UVRAG: variants seen among roughly 807,000 people sequenced by gnomAD.
The protein encoded by UVRAG is UV radiation resistance-associated gene protein.
In UVRAG, 19 loss-of-function variants were observed where a neutral mutation model predicts 78.0. The ratio of observed to expected loss-of-function variants is 0.24; its 90% CI spans 0.17 to 0.36. The LOEUF (loss-of-function observed/expected upper bound fraction) is 0.36. Ranked by LOEUF, UVRAG falls within the 10% of genes least tolerant of loss-of-function variation. The probability of loss-of-function intolerance (pLI) is 1.00; values close to 1 mark genes in which losing one functional copy is unlikely to be tolerated. For synonymous variants in UVRAG, 323 were observed against 324.6 expected, an observed-to-expected ratio of 1.00 and a Z score of 0.05; for missense variants, 740 against 853.8, an observed-to-expected ratio of 0.87 and a Z score of 1.66.
Position 75,975,901 on chromosome 11 carries a change from G to A in UVRAG, c.700-7486G>A, listed in dbSNP as rs570805523. Among the ~76,000 whole-genome samples the A allele has an allele frequency of 1.8e-3, 279 of 152,242 alleles. 2 individuals carry two copies. Among genetic ancestry groups the A allele is most frequent in the African/African-American group, 6.1e-3 (254 of 41,538 alleles). On this transcript the variant is annotated intron_variant, in intron 7 of 14. Coordinates refer to ENST00000356136, the MANE Select transcript of UVRAG (RefSeq NM_003369.4). ...TGCCCTGGCCAGAACTTCCAACACT[G>A]TGTTGAATAGGAGTGGTGAAAGAGG...
intron 13 of UVRAG, among the ~76,000 whole-genome samples, chr11:76,096,823 G>T (rs934577983): frequency 6.6e-6 from 1 of 152,070 alleles, no homozygotes; most frequent in African/African-American, 2.4e-5. Context: ...ACCTTAACCC[G>T]GGATTTGGAA....
intron 13 of UVRAG, 88 bp from the exon 14 acceptor site, chr11:76,115,835 GT>G (rs1404587136): frequency 6.8e-6 from 8 of 1,171,140 alleles, no homozygotes; most frequent in Non-Finnish European, 9.9e-6. Context: ...CTCTTTTAGA[GT>G]TCAAAAAAAT....
chr11:75,984,681 C>T (rs755474526), intron 8 of UVRAG, among the ~76,000 whole-genome samples: 4 of 152,172 alleles, frequency 2.6e-5, no homozygotes, highest in Non-Finnish European at 5.9e-5. Context: ...CCAGACTAGC[C>T]ACTGCCAAGA....
chr11:76,023,002 AC>A (rs1283007300), intron 12 of UVRAG, among the ~76,000 whole-genome samples: 1 of 152,146 alleles, frequency 6.6e-6, no homozygotes, highest in Non-Finnish European at 1.5e-5. Flanking sequence ...TTGAACTGAT[AC>A]CAGTTAGCTT....
chr11:75,847,279 C>T (rs925790743), intron 1 of UVRAG, among the ~76,000 whole-genome samples: 1 of 151,816 alleles, frequency 6.6e-6, no homozygotes, highest in African/African-American at 2.4e-5. Context: ...AGGTGTGTGC[C>T]ACCACGCCTG....
At chr11:76,099,456 T>G (rs982613225) in intron 13 of UVRAG, among the ~76,000 whole-genome samples, 5 of 152,162 alleles carry the variant, frequency 3.3e-5, no homozygotes, top group Non-Finnish European at 2.9e-5. Context: ...AGAAAATGCT[T>G]TATTTACTAA....
chr11:75,886,537 G>A (rs547734316), intron 4 of UVRAG, among the ~76,000 whole-genome samples: 1 of 152,176 alleles, frequency 6.6e-6, no homozygotes, highest in African/African-American at 2.4e-5. Flanking sequence ...CTTTCATAAT[G>A]TTTTCTCTTT....
intron 13 of UVRAG, among the ~76,000 whole-genome samples, chr11:76,101,641 T>G (rs981609072): frequency 2.0e-5 from 3 of 152,200 alleles, no homozygotes; most frequent in African/African-American, 7.2e-5. Flanking sequence ...GTCTTCGTCA[T>G]GAAACCTTTG....
In UVRAG at chr11:75,966,837, C is replaced by T. The variant is rs538814748; in HGVS notation, c.699+5288C>T. ...CTCAGATTACAGTGTAGTTCTTTTA[C>T]TCTTAGGCACAAGCTTCTTTCTGTT... On this transcript the variant is annotated intron_variant, in intron 7 of 14. Transcript: ENST00000356136. Among the ~76,000 whole-genome samples, 11 of 152,296 alleles carry T rather than the reference C, an allele frequency of 7.2e-5. No homozygotes were observed. The South Asian group carries it at 2.3e-3, about 32-fold the overall frequency.
intron 6 of UVRAG, among the ~76,000 whole-genome samples, chr11:75,935,695 G>A (rs1948358991): frequency 6.6e-6 from 1 of 152,102 alleles, no homozygotes; most frequent in African/African-American, 2.4e-5. Flanking sequence ...TACAGAAATA[G>A]TATAAAGAGC....
Position 75,888,383 on chromosome 11 carries a change from A to G in UVRAG, c.433-446A>G, listed in dbSNP as rs144420217. On this transcript the variant is annotated intron_variant, in intron 4 of 14. Transcript: ENST00000356136. ...GGTCTTGAACTCCTGAGCTTAAGCT[A>G]TCTGCCCATCTCTGCCTCCCAAAGT... 2.8e-3 allele frequency among the ~76,000 whole-genome samples: 425 copies of G among 152,286 alleles called. 7 individuals are homozygous for G. In the East Asian group the frequency reaches 0.033, roughly 12 times the overall value.
chr11:76,071,351 G>A (rs1951304424), intron 13 of UVRAG, among the ~76,000 whole-genome samples: 1 of 152,186 alleles, frequency 6.6e-6, no homozygotes, highest in African/African-American at 2.4e-5. Context: ...AGTCCCTGAG[G>A]TAGGAAAGAG....
At chr11:76,066,337 A>C (rs557910995) in intron 13 of UVRAG, among the ~76,000 whole-genome samples, 1 of 152,284 alleles carries the variant, frequency 6.6e-6, no homozygotes, top group African/African-American at 2.4e-5. Context: ...TAGTAAGACT[A>C]TCAGATGCCT....
chr11:76,124,848 A>G (rs948924860), intron 14 of UVRAG, among the ~76,000 whole-genome samples: 10 of 152,258 alleles, frequency 6.6e-5, no homozygotes, highest in African/African-American at 2.4e-4. Flanking sequence ...ACTTTGACAC[A>G]TTTTAGGAAA....
At chr11:75,831,507 A>AAACAAAC (rs59160547) in intron 1 of UVRAG, among the ~76,000 whole-genome samples, 17,831 of 150,140 alleles carry the variant, frequency 0.12, 1,176 homozygotes, top group East Asian at 0.22. Context: ...AACAAACAAA[A>AAACAAAC]AAAAAAAACA....
chr11:76,101,989 A>G (rs914793358), intron 13 of UVRAG, among the ~76,000 whole-genome samples: 2 of 151,912 alleles, frequency 1.3e-5, no homozygotes, highest in African/African-American at 4.8e-5. Context: ...TAGCCCTGTG[A>G]TATAGTTGTG....
At chr11:75,909,778 G>A (rs1213228182) in intron 5 of UVRAG, among the ~76,000 whole-genome samples, 1 of 152,122 alleles carries the variant, frequency 6.6e-6, no homozygotes, top group Admixed American at 6.5e-5. Context: ...TCTTTATAAT[G>A]TATTGCTGGT....
intron 1 of UVRAG, among the ~76,000 whole-genome samples, chr11:75,842,330 A>G (rs530058636): frequency 1.1e-4 from 16 of 152,270 alleles, no homozygotes; most frequent in Non-Finnish European, 1.6e-4. Context: ...ACAAGGTGGA[A>G]TATTTATTTT....
Position 76,016,967 on chromosome 11 carries a change from GA to G in UVRAG, c.1217del (p.Lys406ArgfsTer24). The G allele has an allele frequency of 6.2e-7, 1 of 1,600,806 alleles. No homozygotes were observed. The highest frequency in any genetic ancestry group is 1.1e-5 in the South Asian group (1 of 88,018). ...IKDNINDKLT[E>X]KEREFPLYPK... The stretch of plus-strand genomic sequence containing the variant: ...AGACAATATCAATGACAAACTGACG[GA>G]AAAGGAGAGAGAGTAAGTGTCTTTT... On this transcript the variant is annotated frameshift_variant, in exon 12 of 15. Transcript: ENST00000356136. LOFTEE classifies it high-confidence loss of function.
Sources: gnomAD v4.1 joint callset for allele counts (sites outside exome capture counted in the v4.1 genomes callset) on GRCh38, gnomAD v4.1.1 for gene constraint, MANE v1.5 for transcripts, NCBI Gene and HGNC (gene_info 2026-07-23, HGNC 2026-07-21) for gene names.